Variants in OPRM1 observed in about 807,000 individuals in gnomAD.
OPRM1 encodes opioid receptor mu 1.
A neutral mutation model predicts 31.8 loss-of-function variants in OPRM1; 27 were observed. The observed-to-expected ratio is 0.85, with a 90% confidence interval of 0.63 to 1.17. The LOEUF is 1.17. Among genes scored for constraint, OPRM1 ranks in the 50% most tolerant of loss-of-function variants. The probability of loss-of-function intolerance (pLI) is 0.00; values close to 1 mark genes in which losing one functional copy is unlikely to be tolerated. For missense variants in OPRM1, 536 were observed against 511.1 expected (o/e 1.05, Z -0.47); for synonymous variants, 196 against 189.9 (o/e 1.03, Z -0.26).
chr6:154,093,299 G>C, intron 3 of OPRM1: 1 of 1,613,350 alleles, frequency 6.2e-7, no homozygotes, highest in Non-Finnish European at 8.5e-7. Context: ...TGTCTTGCTG[G>C]GCTCTAGAGC....
intron 3 of OPRM1, among the ~76,000 whole-genome samples, chr6:154,148,630 A>G (rs1798417497): frequency 6.6e-6 from 1 of 152,178 alleles, no homozygotes; most frequent in Non-Finnish European, 1.5e-5. Context: ...CAGATCATCA[A>G]CATTGTGCCC....
At position 154,117,787 on chromosome 6, in the gene OPRM1, A is replaced by ATCTGT. The variant is rs1446273917; in HGVS notation, c.1165-892_1165-888dup. ...CTCTCCCTAAAGTGAGAATGACCTAATCTGTTCTTTATTCTTAGAAAAAAT... is the reference window on the plus strand; with the variant it reads ...CTCTCCCTAAAGTGAGAATGACCTAATCTGTTCTGTTCTTTATTCTTAGAAAAAAT... On this transcript the variant is annotated intron_variant, in intron 3 of 3. Coordinates refer to ENST00000330432, the MANE Select transcript of OPRM1 (RefSeq NM_000914.5). 5.3e-5 allele frequency among the ~76,000 whole-genome samples: 8 copies of ATCTGT among 151,370 alleles called. No individual in the cohort carries two copies. In the East Asian group the frequency reaches 1.2e-3, roughly 22 times the overall value.
At chr6:154,082,533 T>G (rs1203221670) in intron 1 of OPRM1, among the ~76,000 whole-genome samples, 1 of 152,212 alleles carries the variant, frequency 6.6e-6, no homozygotes, top group Non-Finnish European at 1.5e-5. Flanking sequence ...GAAATTGTTT[T>G]ATCATATTTT....
intron 3 of OPRM1, chr6:154,214,358 A>G (rs1778212863): frequency 1.0e-6 from 1 of 959,920 alleles, no homozygotes; most frequent in African/African-American, 1.6e-5. Flanking sequence ...TTGTTATGAA[A>G]TTAGGTCATG....
intron 3 of OPRM1, chr6:154,109,036 A>T: frequency 1.0e-6 from 1 of 985,178 alleles, no homozygotes; most frequent in Non-Finnish European, 1.2e-6. Flanking sequence ...ATTATAGGTC[A>T]CATCAAGAGA....
rs115213198 is a variant in OPRM1 at position 154,196,397 on chromosome 6, C to A, written c.1165-50296C>A. ...CATCATGCATGCTCTAGAATGCCTG[C>A]CTCTTCTTTAACAATGTTTTATTTT... On this transcript the variant is annotated intron_variant, in intron 3 of 3. Transcript: ENST00000337049. Among the ~76,000 whole-genome samples the A allele has an allele frequency of 3.1e-3, 478 of 152,194 alleles. 3 individuals carry two copies. Among genetic ancestry groups the A allele is most frequent in the African/African-American group, 0.011 (457 of 41,514 alleles).
intron 1 of OPRM1, among the ~76,000 whole-genome samples, chr6:154,067,627 GT>G (rs1320787245): frequency 6.6e-6 from 1 of 151,700 alleles, no homozygotes; most frequent in Non-Finnish European, 1.5e-5. Flanking sequence ...AATGTTTTCT[GT>G]TGTTGTTGGG....
At chr6:154,193,546 A>G (rs1399159895) in intron 3 of OPRM1, among the ~76,000 whole-genome samples, 1 of 152,260 alleles carries the variant, frequency 6.6e-6, no homozygotes, top group Non-Finnish European at 1.5e-5. Flanking sequence ...ATCTGCATAT[A>G]CTTGTACTCT....
intron 3 of OPRM1, among the ~76,000 whole-genome samples, chr6:154,185,824 G>T (rs1409495502): frequency 2.0e-5 from 3 of 152,230 alleles, no homozygotes; most frequent in Non-Finnish European, 4.4e-5. Context: ...GAAAGTTGAT[G>T]AATTTGTGTT....
rs574267798 is a variant in OPRM1 at position 154,022,391 on chromosome 6, C to T, written c.-1+11373C>T. Reference sequence around the variant, plus strand: ...CCTCTGCTCCACGCCCCGTGGCTTCCGCCCTTCCTTCCAGAGCAGGGGCCT... The same window carrying T: ...CCTCTGCTCCACGCCCCGTGGCTTCTGCCCTTCCTTCCAGAGCAGGGGCCT... On this transcript the variant is annotated intron_variant, in intron 1 of 5. Coordinates refer to the OPRM1 transcript ENST00000434900. Among the ~76,000 whole-genome samples, 47 of 128,208 alleles carry T rather than the reference C, an allele frequency of 3.7e-4. 1 individual carries two copies. The highest frequency in any genetic ancestry group is 1.8e-3 in the Admixed American group (26 of 14,348). 84.1% of individuals were successfully genotyped at this position (128,208 alleles called of 152,430 possible). A position where few individuals can be genotyped will look rare whatever the true frequency, so the allele number is the denominator to read the frequency against.
At chr6:154,018,748 T>G (rs752471699) in intron 1 of OPRM1, among the ~76,000 whole-genome samples, 8 of 152,182 alleles carry the variant, frequency 5.3e-5, no homozygotes, top group Non-Finnish European at 1.0e-4. Flanking sequence ...CTCTGCATGG[T>G]TTATACGGAA....
Position 154,091,448 on chromosome 6 carries a change from T to C in OPRM1, c.1140T>C (p.Asn380=), listed in dbSNP as rs201496848. 1.6e-5 allele frequency: 25 copies of C among 1,612,848 alleles called. No individual in the cohort carries two copies. Among genetic ancestry groups the C allele is most frequent in the Non-Finnish European group, 2.1e-5 (25 of 1,179,988 alleles). ...QNTRDHPSTA[N]TVDRTNHQLE... Reference sequence around the variant, plus strand: ...CTAGAGACCACCCCTCCACGGCCAATACAGTGGATAGAACTAATCATCAGG... The same window carrying C: ...CTAGAGACCACCCCTCCACGGCCAACACAGTGGATAGAACTAATCATCAGG... The change falls in exon 3 of 4, where the codon AAT becomes AAC. Residue 380 remains asparagine, a synonymous_variant. Coordinates refer to ENST00000330432, the MANE Select transcript of OPRM1 (RefSeq NM_000914.5).
chr6:154,075,516 A>G (rs1387190660), intron 1 of OPRM1, among the ~76,000 whole-genome samples: 1 of 150,996 alleles, frequency 6.6e-6, no homozygotes, highest in Non-Finnish European at 1.5e-5. Context: ...CAGTGGCGCA[A>G]TCTCGGCTGA....
At chr6:154,241,103 G>A (rs766395621) in intron 3 of OPRM1, among the ~76,000 whole-genome samples, 11 of 152,034 alleles carry the variant, frequency 7.2e-5, no homozygotes, top group Non-Finnish European at 1.5e-4. Context: ...GGGCGTGGTG[G>A]TGCACGCCTG....
chr6:154,054,508 T>C lies in OPRM1; in HGVS notation c.290+14674T>C, dbSNP rs1356108066. The stretch of plus-strand genomic sequence containing the variant: ...CAGCCAAGATCAAGAAGGACAGGTC[T>C]GGTCCAACCTATCCATTTTATGGAT... On this transcript the variant is annotated intron_variant, in intron 1 of 3. Coordinates refer to ENST00000330432, the MANE Select transcript of OPRM1 (RefSeq NM_000914.5). 3.3e-5 allele frequency among the ~76,000 whole-genome samples: 5 copies of C among 152,216 alleles called. No individual in the cohort carries two copies. The East Asian group carries it at 9.6e-4, about 29-fold the overall frequency.
At chr6:154,011,142 T>G in intron 1 of OPRM1, 1 of 900,180 alleles carries the variant, frequency 1.1e-6, no homozygotes, top group Non-Finnish European at 1.5e-6. Flanking sequence ...GTCCCTGTGA[T>G]GTAAGAGCAG....
intron 3 of OPRM1, among the ~76,000 whole-genome samples, chr6:154,232,700 G>T (rs929704147): frequency 6.6e-6 from 1 of 152,104 alleles, no homozygotes; most frequent in Non-Finnish European, 1.5e-5. Context: ...TTAATGTCTC[G>T]ATGTAAGCCA....
intron 3 of OPRM1, among the ~76,000 whole-genome samples, chr6:154,180,310 G>A (rs940533511): frequency 1.0e-4 from 15 of 149,106 alleles, no homozygotes; most frequent in African/African-American, 3.7e-4. Flanking sequence ...TTCAAACTTA[G>A]GTCAGCTACC....
intron 3 of OPRM1, among the ~76,000 whole-genome samples, chr6:154,207,791 TC>T (rs1392934414): frequency 6.6e-6 from 1 of 152,228 alleles, no homozygotes; most frequent in African/African-American, 2.4e-5. Flanking sequence ...AAAAACTACT[TC>T]AGAAAAACAT....
Sources: gnomAD v4.1 joint callset for allele counts (sites outside exome capture counted in the v4.1 genomes callset) on GRCh38, gnomAD v4.1.1 for gene constraint, MANE v1.5 for transcripts, NCBI Gene and HGNC (gene_info 2026-07-23, HGNC 2026-07-21) for gene names.